Variants in NRXN3 observed in about 807,000 individuals in gnomAD.
NRXN3 encodes the protein neurexin III.
In NRXN3, 32 loss-of-function variants were observed where a neutral mutation model predicts 137.6. The observed-to-expected ratio is 0.23, with a 90% CI of 0.18 to 0.31. The LOEUF (loss-of-function observed/expected upper bound fraction) is 0.31, where lower values mean the gene tolerates loss of function less well. NRXN3 is among the 10% of genes least tolerant of loss of function. NRXN3 has a pLI of 1.00. For missense variants in NRXN3, 1,574 were observed against 2,062.5 expected (o/e 0.76, Z 4.59); for synonymous variants, 798 against 784.5 (o/e 1.02, Z -0.29).
intron 19 of NRXN3, among the ~76,000 whole-genome samples, chr14:79,758,523 C>A (rs1303344636): frequency 3.3e-5 from 5 of 152,214 alleles, no homozygotes; most frequent in East Asian, 1.9e-4. Context: ...CGGGATCTGC[C>A]CCATGACCAA....
Position 79,861,727 on chromosome 14 carries a change from C to T in NRXN3, c.4479C>T (p.Ser1493=). The T allele has an allele frequency of 6.2e-7, 1 of 1,614,128 alleles. No individual in the cohort carries two copies. Among genetic ancestry groups the T allele is most frequent in the Non-Finnish European group, 8.5e-7 (1 of 1,180,046 alleles). ...CCTCAGAGGTGATCCGGGAGTCGAGCAGCACAACAGGGATGGTCGTCGGCA... is the reference window on the plus strand; with the variant it reads ...CCTCAGAGGTGATCCGGGAGTCGAGTAGCACAACAGGGATGGTCGTCGGCA... The part of the protein sequence containing the change: ...PGASEVIRES[S]STTGMVVGIV... The change falls in exon 21 of 21, where the codon AGC becomes AGT. Residue 1493 remains serine (S), a synonymous_variant. Coordinates refer to ENST00000335750, the MANE Select transcript of NRXN3 (RefSeq NM_001330195.2). The surrounding 1 kb of genome is among the most constrained non-coding windows in gnomAD (Gnocchi z 5.4).
chr14:79,395,530 C>T (rs1054069564), intron 15 of NRXN3, among the ~76,000 whole-genome samples: 3 of 149,898 alleles, frequency 2.0e-5, no homozygotes, highest in Non-Finnish European at 4.4e-5. Context: ...GCTGTGAGGC[C>T]GGGCGTGGTG....
chr14:79,482,391 A>G (rs986043097), intron 16 of NRXN3, among the ~76,000 whole-genome samples: 13 of 152,120 alleles, frequency 8.5e-5, no homozygotes, highest in African/African-American at 3.1e-4. Flanking sequence ...TCTATCATTA[A>G]CCAAAATGTC....
intron 10 of NRXN3, among the ~76,000 whole-genome samples, chr14:78,903,852 T>C (rs1597204433): frequency 6.6e-6 from 1 of 152,164 alleles, no homozygotes; most frequent in East Asian, 1.9e-4. Flanking sequence ...ATGAAGTGCG[T>C]TTCTTGCTTT....
intron 4 of NRXN3, among the ~76,000 whole-genome samples, chr14:78,298,376 A>G (rs1490208116): frequency 1.3e-5 from 2 of 152,196 alleles, no homozygotes; most frequent in African/African-American, 4.8e-5. Flanking sequence ...GACTGTTTTC[A>G]GTTTTATATA....
intron 4 of NRXN3, among the ~76,000 whole-genome samples, chr14:78,364,217 A>G (rs2085556124): frequency 6.6e-6 from 1 of 152,236 alleles, no homozygotes; most frequent in African/African-American, 2.4e-5. Flanking sequence ...CGGAAAAGAG[A>G]CCAGGGCTTC....
chr14:79,244,328 G>A (rs1039825922), intron 15 of NRXN3, among the ~76,000 whole-genome samples: 3 of 152,140 alleles, frequency 2.0e-5, no homozygotes, highest in Admixed American at 6.6e-5. Flanking sequence ...TTTGCCTGCC[G>A]ATTTGTGCTT....
At chr14:78,502,905 G>A (rs1202803295) in intron 4 of NRXN3, among the ~76,000 whole-genome samples, 1 of 152,216 alleles carries the variant, frequency 6.6e-6, no homozygotes, top group African/African-American at 2.4e-5. Context: ...CTGGTGCCAT[G>A]AGTCTGTGTC....
intron 4 of NRXN3, chr14:78,614,870 A>G: frequency 2.2e-6 from 1 of 449,282 alleles, no homozygotes; most frequent in Non-Finnish European, 4.5e-6. Flanking sequence ...TATAGTGGTA[A>G]TAGACTAGCT....
Position 79,861,140 on chromosome 14 carries a change from C to T in NRXN3, c.4094-202C>T. The T allele has an allele frequency of 6.6e-7, 1 of 1,518,204 alleles. No homozygotes were observed. The highest frequency in any genetic ancestry group is 8.8e-7 in the Non-Finnish European group (1 of 1,138,088). 94.0% of individuals were successfully genotyped at this position (1,518,204 alleles called of 1,614,324 possible). A position where few individuals can be genotyped will look rare whatever the true frequency, so the allele number is the denominator to read the frequency against. On this transcript the variant is annotated intron_variant, in intron 20 of 20. Transcript: ENST00000335750. This position sits in a 1 kb window ranked among gnomAD's most constrained non-coding sequence, Gnocchi z 5.4. ...TACACTCCCCCCTACCTTTCGCCCC[C>T]TCCTCACCATTATTGAGACCACCAA...
At chr14:79,715,834 A>G (rs75439932) in intron 19 of NRXN3, among the ~76,000 whole-genome samples, 2,075 of 152,282 alleles carry the variant, frequency 0.014, 44 homozygotes, top group African/African-American at 0.045. Context: ...GCAGGATGAG[A>G]TATTAGATTG....
chr14:79,124,929 A>C (rs1041053562), intron 15 of NRXN3, among the ~76,000 whole-genome samples: 1 of 152,192 alleles, frequency 6.6e-6, no homozygotes, highest in South Asian at 2.1e-4. Flanking sequence ...TCTGAATTAC[A>C]TGCAGTTCCT....
At chr14:78,340,586 C>T (rs1223914581) in intron 4 of NRXN3, among the ~76,000 whole-genome samples, 1 of 152,150 alleles carries the variant, frequency 6.6e-6, no homozygotes, top group Non-Finnish European at 1.5e-5. Context: ...ACCCTTGGTT[C>T]TCCTCCATGT....
intron 15 of NRXN3, among the ~76,000 whole-genome samples, chr14:79,385,871 T>C (rs2094599397): frequency 6.6e-6 from 1 of 152,126 alleles, no homozygotes; most frequent in South Asian, 2.1e-4. Flanking sequence ...ATTATCTCAA[T>C]AGATGCAGAA....
At chr14:78,712,198 A>G (rs980578652) in intron 7 of NRXN3, among the ~76,000 whole-genome samples, 1 of 152,216 alleles carries the variant, frequency 6.6e-6, no homozygotes, top group African/African-American at 2.4e-5. Flanking sequence ...TGGTGATCAG[A>G]TTAGCCCTGT....
At chr14:78,569,894 A>T (rs942081045) in intron 4 of NRXN3, among the ~76,000 whole-genome samples, 3 of 152,200 alleles carry the variant, frequency 2.0e-5, no homozygotes, top group African/African-American at 7.2e-5. Flanking sequence ...ACGGGCTTGC[A>T]CCCGGAAACT....
At chr14:79,505,255 C>T (rs190938261) in intron 16 of NRXN3, among the ~76,000 whole-genome samples, 233 of 151,026 alleles carry the variant, frequency 1.5e-3, no homozygotes, top group Non-Finnish European at 2.4e-3. Flanking sequence ...GGGTAGACCA[C>T]GTGTGCTGTT....
intron 1 of NRXN3, among the ~76,000 whole-genome samples, chr14:78,213,942 GTT>G (rs2062999637): frequency 6.6e-6 from 1 of 152,212 alleles, no homozygotes; most frequent in Admixed American, 6.5e-5. Flanking sequence ...ATGTGAGCAT[GTT>G]ATCTGAGTTT....
intron 4 of NRXN3, among the ~76,000 whole-genome samples, chr14:78,568,205 T>C (rs756811083): frequency 1.2e-4 from 19 of 152,154 alleles, no homozygotes; most frequent in Non-Finnish European, 5.9e-5. Flanking sequence ...ACCAATGTGA[T>C]GGTATTAGGA....
Sources: gnomAD v4.1 joint callset for allele counts (sites outside exome capture counted in the v4.1 genomes callset) on GRCh38, gnomAD v4.1.1 for gene constraint, Gnocchi (gnomAD v3.1) non-coding constraint, MANE v1.5 for transcripts, NCBI Gene and HGNC (gene_info 2026-07-23, HGNC 2026-07-21) for gene names.